SPG7: variants seen among roughly 807,000 people sequenced by gnomAD.
SPG7 encodes the protein SPG7 matrix AAA peptidase subunit, paraplegin, also known as mitochondrial inner membrane m-AAA protease component paraplegin.
SPG7 carries 103 observed loss-of-function variants against 81.9 expected under a neutral mutation model. That is an observed-to-expected ratio of 1.26 (90% confidence interval 1.07 to 1.48). The LOEUF is 1.48. Among genes scored for constraint, SPG7 ranks in the 40% most tolerant of loss-of-function variants. The pLI is 0.00. For synonymous variants in SPG7, 534 were observed against 444.2 expected (o/e 1.20, Z -2.54); for missense variants, 1,241 against 1,087.3 (o/e 1.14, Z -1.99).
At chr16:89,549,378 G>A (rs1387020150) in intron 12 of SPG7, 1 of 378,202 alleles carries the variant, frequency 2.6e-6, no homozygotes, top group East Asian at 7.2e-5. Context: ...ATTTGTCCCT[G>A]GCTGGGCACT....
chr16:89,532,546 G>C lies in SPG7; in HGVS notation c.1234G>C (p.Ala412Pro). The C allele has an allele frequency of 5.0e-6, 8 of 1,613,744 alleles. No individual in the cohort carries two copies. Among genetic ancestry groups the C allele is most frequent in the East Asian group, 2.2e-5 (1 of 44,880 alleles). ...CATCGTCTACATCGATGAGATCGAC[G>C]CGGTGGGCAAGAAGCGCTCCACCAC... ...PCIVYIDEID[A>P]VGKKRSTTMS... is the part of the protein sequence containing the mutation. Residue 412 changes from alanine to proline, a missense_variant, in exon 9 of 17, where the codon GCG (alanine) becomes CCG (proline). Physicochemically the swap from Ala to Pro is conservative, Grantham distance 27. Coordinates refer to ENST00000645818, the MANE Select transcript of SPG7 (RefSeq NM_003119.4).
chr16:89,532,154 G>C, intron 8 of SPG7, 88 bp downstream of exon 8: 2 of 1,425,526 alleles, frequency 1.4e-6, no homozygotes, highest in Non-Finnish European at 2.0e-6. Flanking sequence ...TGGACTGAAA[G>C]GGACACGGGT....
At chr16:89,550,807 C>G (rs2058627239) in intron 13 of SPG7, among the ~76,000 whole-genome samples, 198 bp downstream of exon 13, 1 of 152,078 alleles carries the variant, frequency 6.6e-6, no homozygotes, top group Admixed American at 6.5e-5. Context: ...GACTGATGGG[C>G]GGGAACTCGG....
chr16:89,524,821 C>T (rs1014033157), intron 4 of SPG7, among the ~76,000 whole-genome samples: 1 of 152,142 alleles, frequency 6.6e-6, no homozygotes, highest in Non-Finnish European at 1.5e-5. Context: ...AATGTGTGGA[C>T]CAGTGATTAG....
chr16:89,546,592 A>T, intron 10 of SPG7, 66 bp from the exon 11 acceptor site: 1 of 1,078,354 alleles, frequency 9.3e-7, no homozygotes, highest in Non-Finnish European at 1.4e-6. Context: ...CCACAGACAA[A>T]CATGCCGCAC....
At chr16:89,550,657 TG>T in intron 13 of SPG7, 48 bp downstream of exon 13, 1 of 1,292,820 alleles carries the variant, frequency 7.7e-7, no homozygotes. Flanking sequence ...CAAAGGTGGG[TG>T]GGGAGTCCCG....
rs187449379 is a variant in SPG7 at position 89,528,005 on chromosome 16, T to G, written c.759-1472T>G. Among the ~76,000 whole-genome samples, 21 of 152,042 alleles carry G rather than the reference T, an allele frequency of 1.4e-4. No homozygotes were observed. In the East Asian group the frequency reaches 3.3e-3, roughly 24 times the overall value. On this transcript the variant is annotated intron_variant, in intron 5 of 16. Transcript: ENST00000645818. ...GGAAGATCACTGCTCTGAGGCTGTG[T>G]GTCTCATGTCTTTGTAGGCCAGTGA...
chr16:89,552,961 A>G lies in SPG7; in HGVS notation c.1780-18A>G. 3.7e-6 allele frequency: 6 copies of G among 1,613,320 alleles called. No homozygotes were observed. Among genetic ancestry groups the G allele is most frequent in the Non-Finnish European group, 5.1e-6 (6 of 1,179,844 alleles). On this transcript the variant is annotated intron_variant, in intron 13 of 16. Transcript: ENST00000645818. Reference sequence around the variant, plus strand: ...CGCATCCTGCCTACTGACCTGGGTCATCTTGACCTTGTGCCAGGTCTCCAT... The same window carrying G: ...CGCATCCTGCCTACTGACCTGGGTCGTCTTGACCTTGTGCCAGGTCTCCAT...
rs863224216 is a variant in SPG7 at position 89,508,512 on chromosome 16, G to T, written c.95G>T (p.Gly32Val). The T allele has an allele frequency of 6.6e-7, 1 of 1,515,352 alleles. No individual in the cohort carries two copies. The highest frequency in any genetic ancestry group is 8.8e-7 in the Non-Finnish European group (1 of 1,137,754). 93.9% of individuals were successfully genotyped at this position (1,515,352 alleles called of 1,614,324 possible). The change falls in exon 1 of 17, where the codon GGG becomes GTG. Residue 32 changes from glycine to valine, a missense_variant. Transcript: ENST00000645818. ...LWGPGPAWSP[G>V]FPARPGRGRP... Reference sequence around the variant, plus strand: ...GGCCCAGGCCCGGCCTGGAGTCCAGGGTTCCCCGCCAGGCCCGGGAGGGGG... The same window carrying T: ...GGCCCAGGCCCGGCCTGGAGTCCAGTGTTCCCCGCCAGGCCCGGGAGGGGG...
At chr16:89,548,721 G>C in intron 12 of SPG7, 1 of 353,890 alleles carries the variant, frequency 2.8e-6, no homozygotes, top group South Asian at 2.1e-5. Context: ...TCTGTGAGGA[G>C]AGAGGACCAA....
At chr16:89,531,490 C>T (rs1261862195) in intron 7 of SPG7, 2 of 235,164 alleles carry the variant, frequency 8.5e-6, no homozygotes, top group African/African-American at 4.6e-5. Flanking sequence ...TCTCCTGCCT[C>T]AGCCTCCCGA....
intron 2 of SPG7, among the ~76,000 whole-genome samples, chr16:89,511,987 C>A (rs1334330510): frequency 6.6e-6 from 1 of 152,096 alleles, no homozygotes; most frequent in Non-Finnish European, 1.5e-5. Flanking sequence ...TCTCCGCTCA[C>A]TGCAAGCTCT....
chr16:89,533,035 A>G (rs988419370), intron 9 of SPG7: 6 of 152,934 alleles, frequency 3.9e-5, no homozygotes, highest in African/African-American at 1.2e-4. Flanking sequence ...TCACCATTGC[A>G]CTCCAGCCTG....
intron 9 of SPG7, chr16:89,532,838 C>A: frequency 4.9e-6 from 3 of 616,976 alleles, no homozygotes; most frequent in Non-Finnish European, 8.6e-6. Flanking sequence ...AATCCCAGCA[C>A]TTTGGGAGGC....
At chr16:89,545,020 T>A (rs1335539530) in intron 10 of SPG7, 1 of 562,164 alleles carries the variant, frequency 1.8e-6, no homozygotes, top group East Asian at 3.2e-5. Flanking sequence ...ATGGCTGCAC[T>A]CACTGCTCGG....
intron 14 of SPG7, 75 bp downstream of exon 14, chr16:89,553,210 G>A (rs1193443472): frequency 7.2e-7 from 1 of 1,380,348 alleles, no homozygotes; most frequent in African/African-American, 1.4e-5. Flanking sequence ...TCCAGTGCAT[G>A]CCATGGGGTG....
rs113929056 is a variant in SPG7, at chr16:89,554,798, C to G, written c.2181+235C>G. 2.4e-3 allele frequency: 1,244 copies of G among 527,754 alleles called. 14 individuals carry two copies. The highest frequency in any genetic ancestry group is 0.021 in the African/African-American group (1,131 of 52,654). The allele number at this position is 527,754 out of a possible 1,614,324, so 32.7% of individuals were successfully genotyped here. On this transcript the variant is annotated intron_variant, in intron 16 of 16. Coordinates refer to ENST00000645818, the MANE Select transcript of SPG7 (RefSeq NM_003119.4). Reference sequence around the variant, plus strand: ...AAGGCTGCCACAGTCTCCTGTGCCTCTTCCTGCCATTAGCAATTACCAATG... The same window carrying G: ...AAGGCTGCCACAGTCTCCTGTGCCTGTTCCTGCCATTAGCAATTACCAATG...
chr16:89,527,933 G>T (rs74931573), intron 5 of SPG7, among the ~76,000 whole-genome samples: 1 of 141,686 alleles, frequency 7.1e-6, no homozygotes, highest in Non-Finnish European at 1.5e-5. Context: ...CATCTCTACA[G>T]AAAAAAAAAA....
chr16:89,529,151 T>C, intron 5 of SPG7: 2 of 384,140 alleles, frequency 5.2e-6, no homozygotes, highest in South Asian at 4.3e-5. Flanking sequence ...CTTGCCTGCC[T>C]GATTGAAGCT....
Sources: allele counts gnomAD v4.1 joint callset (sites outside exome capture counted in the v4.1 genomes callset), GRCh38; gene constraint gnomAD v4.1.1; transcripts MANE v1.5; gene names NCBI Gene and HGNC (gene_info 2026-07-23, HGNC 2026-07-21).